The following GRK3 variants were observed in gnomAD, a reference collection of about 807,000 sequenced individuals.
The protein encoded by GRK3 is adrenergic, beta, receptor kinase 2.
A neutral mutation model predicts 95.7 loss-of-function variants in GRK3; 54 were observed. The observed-to-expected ratio is 0.56, with a 90% confidence interval of 0.45 to 0.71. The LOEUF (loss-of-function observed/expected upper bound fraction) is 0.71, where lower values mean the gene tolerates loss of function less well. Among genes scored for constraint, GRK3 ranks in the 30% least tolerant of loss-of-function variants. The probability of loss-of-function intolerance (pLI) is 0.00; values close to 1 mark genes in which losing one functional copy is unlikely to be tolerated. For synonymous variants in GRK3, 281 were observed against 290.8 expected (o/e 0.97, Z 0.34); for missense variants, 649 against 851.2 (o/e 0.76, Z 2.96).
chr22:25,713,810 G>A (rs115590864), intron 17 of GRK3, among the ~76,000 whole-genome samples: 5 of 152,072 alleles, frequency 3.3e-5, no homozygotes, highest in Non-Finnish European at 7.4e-5. Flanking sequence ...GCTCTTAAAG[G>A]CTCCATTGCC....
chr22:25,629,664 G>A (rs1037359043), intron 2 of GRK3, among the ~76,000 whole-genome samples: 14 of 152,214 alleles, frequency 9.2e-5, no homozygotes, highest in African/African-American at 3.4e-4. Flanking sequence ...CATGGTAGAG[G>A]TACAGGACAG....
At chr22:25,644,483 A>AG (rs1323584089) in intron 2 of GRK3, 109 bp from the exon 3 acceptor site, 1 of 457,236 alleles carries the variant, frequency 2.2e-6, no homozygotes, top group African/African-American at 2.0e-5. Context: ...TAAAAAAAAA[A>AG]GTAGAGGAGG....
intron 1 of GRK3, among the ~76,000 whole-genome samples, chr22:25,573,021 A>ACTGGTCTCTTATTATCCTTTTGTGG: frequency 6.6e-6 from 1 of 152,160 alleles, no homozygotes; most frequent in South Asian, 2.1e-4. Context: ...GCTCTCTTGT[A>ACTGGTCTCTTATTATCCTTTTGTGG]TTACCTTCTG....
At chr22:25,656,910 T>C (rs1380217738) in intron 3 of GRK3, among the ~76,000 whole-genome samples, 1 of 152,194 alleles carries the variant, frequency 6.6e-6, no homozygotes, top group Non-Finnish European at 1.5e-5. Flanking sequence ...TTAAAGAGGC[T>C]GGTCTTTTGA....
rs141920297 is a variant in GRK3, at chr22:25,687,967, T to A, written c.957+300T>A. On this transcript the variant is annotated intron_variant, in intron 11 of 20. Coordinates refer to ENST00000324198, the MANE Select transcript of GRK3 (RefSeq NM_005160.4). ...GAAAAGCAATTTAGGCCAGGTGCGG[T>A]GGCTCATGCCTGTAATCCCAGCACT... 4.0e-4 allele frequency among the ~76,000 whole-genome samples: 61 copies of A among 152,310 alleles called. 1 individual carries two copies. The East Asian group carries it at 7.7e-3, about 19-fold the overall frequency.
intron 1 of GRK3, among the ~76,000 whole-genome samples, chr22:25,592,242 T>C (rs1417463506): frequency 2.6e-5 from 4 of 152,242 alleles, no homozygotes; most frequent in African/African-American, 9.6e-5. Context: ...CTAATGATGT[T>C]GAACAACTTT....
At chr22:25,687,481 A>G in intron 10 of GRK3, 56 bp from the exon 11 acceptor site, 3 of 1,587,220 alleles carry the variant, frequency 1.9e-6, no homozygotes, top group Non-Finnish European at 2.6e-6. Flanking sequence ...GATGACAATG[A>G]TATTTGTTTC....
chr22:25,665,215 A>G (rs953519653), intron 5 of GRK3, among the ~76,000 whole-genome samples: 3 of 152,242 alleles, frequency 2.0e-5, no homozygotes, highest in African/African-American at 7.2e-5. Flanking sequence ...TGCTCCACAA[A>G]TGTTAGCTAT....
At chr22:25,653,459 A>C (rs2084848626) in intron 3 of GRK3, among the ~76,000 whole-genome samples, 2 of 152,244 alleles carry the variant, frequency 1.3e-5, no homozygotes, top group South Asian at 4.1e-4. Flanking sequence ...CAACAAAAAG[A>C]TATCACAAAC....
chr22:25,690,255 T>A lies in GRK3; in HGVS notation c.1024T>A (p.Phe342Ile). The change falls in exon 12 of 21, where the codon TTT becomes ATT. Residue 342 changes from phenylalanine (F) to isoleucine (I), a missense_variant. Transcript: ENST00000324198. ...ATCAGATCTTGGTCTTGCCTGCGAT[T>A]TTTCCAAAAAGAAGCCTCATGCGAG... ...RISDLGLACD[F>I]SKKKPHASVG... 6.2e-7 allele frequency: 1 copy of A among 1,614,102 alleles called. No homozygotes were observed. The highest frequency in any genetic ancestry group is 1.1e-5 in the South Asian group (1 of 91,072).
chr22:25,577,032 A>G (rs1372829952), intron 1 of GRK3, among the ~76,000 whole-genome samples: 5 of 152,214 alleles, frequency 3.3e-5, no homozygotes, highest in African/African-American at 1.2e-4. Context: ...GCTACATGTC[A>G]TGAGTTCTTA....
intron 15 of GRK3, among the ~76,000 whole-genome samples, chr22:25,708,368 T>A (rs2085316701): frequency 1.3e-5 from 2 of 152,170 alleles, no homozygotes; most frequent in African/African-American, 2.4e-5. Flanking sequence ...TGGCTGGGCC[T>A]GTGCAGGAGC....
chr22:25,645,750 G>A (rs1394264529), intron 3 of GRK3, among the ~76,000 whole-genome samples: 2 of 152,006 alleles, frequency 1.3e-5, no homozygotes, highest in African/African-American at 2.4e-5. Flanking sequence ...GTGAAACCCC[G>A]TCTCTACTAA....
rs886675432 is a variant in GRK3 at position 25,724,856 on chromosome 22, T to TTTTTTTAA, written c.*2421_*2428dup. On this transcript the variant is annotated 3_prime_UTR_variant, in exon 21 of 21. Transcript: ENST00000324198. Reference sequence around the variant, plus strand: ...CATCATGGTATACTTGGCTGTTGTTTTTTTTTAATTTTTTAATTTTTTGGG... The same window carrying TTTTTTTAA: ...CATCATGGTATACTTGGCTGTTGTTTTTTTTTAATTTTTTAATTTTTTAATTTTTTGGG... 3 of 152,188 alleles carry TTTTTTTAA rather than the reference T, an allele frequency of 2.0e-5. No homozygotes were observed. Among genetic ancestry groups the TTTTTTTAA allele is most frequent in the Non-Finnish European group, 4.4e-5 (3 of 68,040 alleles). 9.4% of individuals were successfully genotyped at this position (152,188 alleles called of 1,614,324 possible). A position where few individuals can be genotyped will look rare whatever the true frequency, so the allele number is the denominator to read the frequency against.
intron 2 of GRK3, among the ~76,000 whole-genome samples, chr22:25,639,799 T>G (rs1235181556): frequency 6.6e-6 from 1 of 152,186 alleles, no homozygotes; most frequent in African/African-American, 2.4e-5. Context: ...GTCCATGAAC[T>G]GAGTATGTAT....
At chr22:25,651,506 C>A (rs1262740880) in intron 3 of GRK3, among the ~76,000 whole-genome samples, 1 of 152,212 alleles carries the variant, frequency 6.6e-6, no homozygotes, top group Non-Finnish European at 1.5e-5. Flanking sequence ...TTAGTATTGA[C>A]TCTCTACCAA....
At chr22:25,705,347 T>C (rs2085291757) in intron 15 of GRK3, among the ~76,000 whole-genome samples, 1 of 152,200 alleles carries the variant, frequency 6.6e-6, no homozygotes. Context: ...ATTTTGACAT[T>C]CCTATCTTTC....
At chr22:25,585,442 A>G (rs1057000789) in intron 1 of GRK3, among the ~76,000 whole-genome samples, 9 of 152,194 alleles carry the variant, frequency 5.9e-5, no homozygotes, top group African/African-American at 2.2e-4. Context: ...ATCAATTACC[A>G]ATTATCAATT....
chr22:25,714,696 G>A (rs1053845042), intron 18 of GRK3, 126 bp downstream of exon 18: 6 of 849,704 alleles, frequency 7.1e-6, no homozygotes, highest in Admixed American at 3.0e-5. Flanking sequence ...GCCATAAATC[G>A]CTTTAGTTTG....
Sources: allele counts gnomAD v4.1 joint callset (sites outside exome capture counted in the v4.1 genomes callset), GRCh38; gene constraint gnomAD v4.1.1; transcripts MANE v1.5; gene names NCBI Gene and HGNC (gene_info 2026-07-23, HGNC 2026-07-21).